The following ALK variants were observed in gnomAD, a reference collection of about 807,000 sequenced individuals.
ALK encodes the protein ALK tyrosine kinase receptor.
Under a neutral mutation model 163.1 loss-of-function variants are expected in ALK, and 74 were observed. That is an observed-to-expected ratio of 0.45 (90% confidence interval 0.38 to 0.55). ALK has a LOEUF of 0.55. ALK is among the 20% of genes least tolerant of loss of function. The pLI is 0.00. For missense variants in ALK, 2,063 were observed against 2,105.3 expected (o/e 0.98, Z 0.39); for synonymous variants, 960 against 843.2 (o/e 1.14, Z -2.40).
At chr2:29,297,972 G>A in intron 8 of ALK, among the ~76,000 whole-genome samples, 1 of 152,198 alleles carries the variant, frequency 6.6e-6, no homozygotes, top group South Asian at 2.1e-4. Context: ...TTTCGTCAGA[G>A]TAAAGGTACC....
intron 1 of ALK, among the ~76,000 whole-genome samples, chr2:29,821,364 C>G (rs943783800): frequency 3.9e-5 from 6 of 152,046 alleles, no homozygotes; most frequent in African/African-American, 1.4e-4. Flanking sequence ...ACACTCATCT[C>G]CCCTCCCCTC....
intron 8 of ALK, among the ~76,000 whole-genome samples, chr2:29,317,161 A>C (rs1030272636): frequency 9.9e-5 from 15 of 152,164 alleles, no homozygotes; most frequent in Non-Finnish European, 2.2e-4. Flanking sequence ...CCACCCTGGG[A>C]TTTCTATTAG....
intron 11 of ALK, among the ~76,000 whole-genome samples, chr2:29,268,263 A>G (rs987854598): frequency 1.3e-5 from 2 of 152,190 alleles, no homozygotes; most frequent in African/African-American, 2.4e-5. Context: ...AAGTTCTGAA[A>G]TAATAGTGTT....
At chr2:29,196,979 G>GTACT in intron 27 of ALK, 119 bp from the exon 28 acceptor site, 2 of 798,946 alleles carry the variant, frequency 2.5e-6, no homozygotes, top group South Asian at 2.9e-5. Context: ...TAGGCCCCGT[G>GTACT]TACTTGGCCT....
intron 1 of ALK, among the ~76,000 whole-genome samples, chr2:29,794,603 G>A (rs144398081): frequency 7.2e-4 from 110 of 152,194 alleles, no homozygotes; most frequent in East Asian, 4.8e-3. Flanking sequence ...ACTTAGAGGC[G>A]ACTGTAGGGT....
chr2:29,442,851 G>C (rs1016809404), intron 4 of ALK, among the ~76,000 whole-genome samples: 26 of 152,194 alleles, frequency 1.7e-4, no homozygotes, highest in Non-Finnish European at 2.9e-5. Flanking sequence ...TAAAAACATA[G>C]TGTTAGACAA....
intron 2 of ALK, among the ~76,000 whole-genome samples, chr2:29,697,374 C>T (rs1678598858): frequency 6.6e-6 from 1 of 152,128 alleles, no homozygotes; most frequent in Non-Finnish European, 1.5e-5. Context: ...AGGGCCCATG[C>T]CCTGGGATGT....
chr2:29,597,708 T>G (rs1675252119), intron 3 of ALK, among the ~76,000 whole-genome samples: 1 of 152,298 alleles, frequency 6.6e-6, no homozygotes, highest in African/African-American at 2.4e-5. Flanking sequence ...AGTTTTAATA[T>G]GTACAGCTGC....
chr2:29,416,872 A>G lies in ALK; in HGVS notation c.1155-33013T>C, dbSNP rs60796081. 4.1e-3 allele frequency among the ~76,000 whole-genome samples: 617 copies of G among 151,782 alleles called. 1 individual carries two copies. Among genetic ancestry groups the G allele is most frequent in the African/African-American group, 0.014 (562 of 41,358 alleles). ...GGGATTAGACAAAAGCTTCTTATGT[A>G]TCACCAGCATCTGGCTCAATGCCTG... is the stretch of plus-strand genomic sequence containing the variant. On this transcript the variant is annotated intron_variant, in intron 4 of 28. Coordinates refer to ENST00000389048, the MANE Select transcript of ALK (RefSeq NM_004304.5).
intron 4 of ALK, among the ~76,000 whole-genome samples, chr2:29,523,983 G>A (rs748696297): frequency 2.0e-5 from 3 of 150,182 alleles, no homozygotes; most frequent in Admixed American, 6.7e-5. Context: ...CACAGTTGAG[G>A]TGCATTTTGA....
At chr2:29,889,515 GGATAGATA>G (rs769685640) in intron 1 of ALK, among the ~76,000 whole-genome samples, 64 of 151,712 alleles carry the variant, frequency 4.2e-4, no homozygotes, top group South Asian at 2.1e-4. Flanking sequence ...ATGGATGGAT[GGATAGATA>G]GATAGATAGA....
chr2:29,291,963 A>G (rs1666037013), intron 9 of ALK, among the ~76,000 whole-genome samples: 1 of 152,236 alleles, frequency 6.6e-6, no homozygotes, highest in South Asian at 2.1e-4. Context: ...TAGAAAAAAA[A>G]TCTTGGCTCT....
intron 4 of ALK, among the ~76,000 whole-genome samples, chr2:29,439,187 G>A (rs951749699): frequency 2.6e-5 from 4 of 152,126 alleles, no homozygotes; most frequent in African/African-American, 9.7e-5. Context: ...GAATTCATCT[G>A]GACTCCAGGG....
chr2:29,459,564 A>G (rs74917770), intron 4 of ALK, among the ~76,000 whole-genome samples: 2 of 148,416 alleles, frequency 1.3e-5, no homozygotes, highest in Non-Finnish European at 3.0e-5. Context: ...CTAGCTAATG[A>G]TTTTTTTTTT....
In ALK at chr2:29,632,865, C is replaced by T. The variant is rs552844946; in HGVS notation, c.952+61985G>A. Among the ~76,000 whole-genome samples, 14 of 152,262 alleles carry T rather than the reference C, an allele frequency of 9.2e-5. No individual in the cohort carries two copies. The South Asian group carries it at 2.7e-3, about 29-fold the overall frequency. On this transcript the variant is annotated intron_variant, in intron 3 of 28. Transcript: ENST00000389048. ...GCAAAAGCAGAACCCCCTGATAAAA[C>T]CATCAGATCTCATGAGACTTATTTA...
chr2:29,346,569 A>G (rs1006745158), intron 5 of ALK, among the ~76,000 whole-genome samples: 3 of 152,258 alleles, frequency 2.0e-5, no homozygotes, highest in Non-Finnish European at 2.9e-5. Context: ...TTTCTGACAG[A>G]GGCACAAATT....
At chr2:29,717,284 A>G (rs1356797709) in intron 2 of ALK, among the ~76,000 whole-genome samples, 3 of 152,072 alleles carry the variant, frequency 2.0e-5, no homozygotes, top group African/African-American at 7.2e-5. Context: ...TCCTCTAATG[A>G]TTGATAAGGG....
intron 3 of ALK, among the ~76,000 whole-genome samples, chr2:29,538,119 A>G (rs1673308945): frequency 6.6e-6 from 1 of 152,198 alleles, no homozygotes; most frequent in Non-Finnish European, 1.5e-5. Flanking sequence ...TTAATATTGG[A>G]ATGAGTTAAT....
At chr2:29,844,480 C>T (rs1224968418) in intron 1 of ALK, among the ~76,000 whole-genome samples, 1 of 151,948 alleles carries the variant, frequency 6.6e-6, no homozygotes, top group Admixed American at 6.6e-5. Flanking sequence ...TAAGGGGTAC[C>T]AAGGACATAA....
Sources: gnomAD v4.1 joint callset for allele counts (sites outside exome capture counted in the v4.1 genomes callset) on GRCh38, gnomAD v4.1.1 for gene constraint, MANE v1.5 for transcripts, NCBI Gene and HGNC (gene_info 2026-07-23, HGNC 2026-07-21) for gene names.